Variants in CCDC102B observed in about 807,000 individuals in gnomAD.
CCDC102B encodes coiled-coil domain-containing protein 102B.
In CCDC102B, 75 loss-of-function variants were observed where a neutral mutation model predicts 57.4. The observed-to-expected ratio is 1.31, with a 90% confidence interval of 1.08 to 1.58. CCDC102B has a LOEUF of 1.58. Ranked by LOEUF, CCDC102B falls within the 40% of genes most tolerant of loss-of-function variation. CCDC102B has a pLI of 0.00. For synonymous variants in CCDC102B, 206 were observed against 201.9 expected (o/e 1.02, Z -0.17); for missense variants, 636 against 582.6 (o/e 1.09, Z -0.94).
intron 2 of CCDC102B, among the ~76,000 whole-genome samples, chr18:68,786,858 C>T (rs2035231689): frequency 2.0e-5 from 3 of 152,114 alleles, no homozygotes; most frequent in Admixed American, 2.0e-4. Context: ...GAACTTCCAA[C>T]ATTATGTTGA....
chr18:68,731,875 A>G (rs901590737), intron 2 of CCDC102B, among the ~76,000 whole-genome samples: 2 of 112,582 alleles, frequency 1.8e-5, no homozygotes, highest in Non-Finnish European at 4.0e-5. Context: ...TGTACGAATT[A>G]GTGCAAGCAA....
At chr18:68,888,200 G>A (rs889258335) in intron 5 of CCDC102B, among the ~76,000 whole-genome samples, 2 of 152,126 alleles carry the variant, frequency 1.3e-5, no homozygotes, top group East Asian at 1.9e-4. Flanking sequence ...GTAAGAAATG[G>A]TATGGAAAAA....
chr18:68,770,355 A>G (rs887054689), intron 2 of CCDC102B, among the ~76,000 whole-genome samples: 2 of 152,256 alleles, frequency 1.3e-5, no homozygotes, highest in Admixed American at 6.5e-5. Context: ...GTGGCATACA[A>G]AAATTAGCAT....
intron 4 of CCDC102B, among the ~76,000 whole-genome samples, chr18:68,851,532 T>C (rs1410168913): frequency 6.6e-6 from 1 of 152,190 alleles, no homozygotes; most frequent in Non-Finnish European, 1.5e-5. Flanking sequence ...TGGAATTAAT[T>C]AAACTACTAG....
chr18:68,880,196 C>A (rs572295213), intron 5 of CCDC102B, among the ~76,000 whole-genome samples: 166 of 152,322 alleles, frequency 1.1e-3, no homozygotes, highest in African/African-American at 3.9e-3. Context: ...TGGGCTGGCA[C>A]TGCTGGGGGA....
intron 2 of CCDC102B, among the ~76,000 whole-genome samples, chr18:68,760,433 T>A (rs952889625): frequency 6.6e-6 from 1 of 152,062 alleles, no homozygotes; most frequent in Non-Finnish European, 1.5e-5. Context: ...AAAGAGGACA[T>A]TGTATTACTT....
chr18:68,769,573 G>A (rs1210935322), intron 2 of CCDC102B, among the ~76,000 whole-genome samples: 1 of 152,006 alleles, frequency 6.6e-6, no homozygotes. Context: ...AAAGCCTTGG[G>A]CTCTGATTTC....
intron 6 of CCDC102B, among the ~76,000 whole-genome samples, chr18:68,964,877 T>C (rs1386814163): frequency 6.6e-6 from 1 of 151,952 alleles, no homozygotes; most frequent in Non-Finnish European, 1.5e-5. Context: ...GACATTTTTT[T>C]CCCTCAGTTC....
chr18:68,956,591 ATATATAT>A (rs1321545726), intron 6 of CCDC102B, among the ~76,000 whole-genome samples: 4 of 55,882 alleles, frequency 7.2e-5, no homozygotes, highest in East Asian at 5.6e-3. Flanking sequence ...TAAATATTAT[ATATATAT>A]TATATATATA....
At chr18:68,891,768 A>G (rs2040087497) in intron 5 of CCDC102B, among the ~76,000 whole-genome samples, 1 of 152,106 alleles carries the variant, frequency 6.6e-6, no homozygotes, top group Admixed American at 6.5e-5. Context: ...CTTTTCTTAT[A>G]AGGACATCAG....
intron 3 of CCDC102B, among the ~76,000 whole-genome samples, chr18:68,845,912 A>C (rs916623661): frequency 1.3e-5 from 2 of 151,746 alleles, no homozygotes; most frequent in African/African-American, 4.8e-5. Context: ...GGTCATTTCA[A>C]ATGATTTTTT....
At chr18:68,953,549 G>T (rs538732772) in intron 6 of CCDC102B, among the ~76,000 whole-genome samples, 209 of 150,068 alleles carry the variant, frequency 1.4e-3, no homozygotes, top group Middle Eastern at 3.4e-3. Context: ...TTTAGTAGCG[G>T]TTTTTTTTTC....
At chr18:68,867,077 T>C in intron 4 of CCDC102B, 1 of 197,410 alleles carries the variant, frequency 5.1e-6, no homozygotes, top group Admixed American at 6.0e-5. Flanking sequence ...TAAGGTCACC[T>C]ATCCTCCCAT....
chr18:68,892,229 T>C (rs770021041), intron 5 of CCDC102B, among the ~76,000 whole-genome samples: 5 of 152,140 alleles, frequency 3.3e-5, no homozygotes, highest in Admixed American at 6.5e-5. Flanking sequence ...TCTAGAGTGC[T>C]ACCCATGACC....
At chr18:68,878,824 C>CA (rs1323911257) in intron 5 of CCDC102B, among the ~76,000 whole-genome samples, 3 of 152,092 alleles carry the variant, frequency 2.0e-5, no homozygotes, top group East Asian at 1.9e-4. Context: ...ACAGAACTAT[C>CA]AAAAAAACTA....
At position 68,720,666 on chromosome 18, in the gene CCDC102B, G is replaced by A. The variant is rs374556532; in HGVS notation, c.-67+4072G>A. 9.2e-5 allele frequency among the ~76,000 whole-genome samples: 14 copies of A among 152,290 alleles called. 1 individual carries two copies. The East Asian group carries it at 1.5e-3, about 17-fold the overall frequency. On this transcript the variant is annotated intron_variant, in intron 2 of 3. Transcript: ENST00000578970. ...CTTATTTCAACACTGTTATTACATTGTATTCCTTTCCTGCATAGATTTGTA... is the reference window on the plus strand; with the variant it reads ...CTTATTTCAACACTGTTATTACATTATATTCCTTTCCTGCATAGATTTGTA...
At chr18:68,851,471 C>A (rs1271998838) in intron 4 of CCDC102B, among the ~76,000 whole-genome samples, 1 of 152,096 alleles carries the variant, frequency 6.6e-6, no homozygotes, top group Non-Finnish European at 1.5e-5. Context: ...ACCTTCAAGA[C>A]CTTTTAAACA....
At chr18:68,887,308 A>G (rs559380925) in intron 5 of CCDC102B, among the ~76,000 whole-genome samples, 51 of 152,322 alleles carry the variant, frequency 3.3e-4, no homozygotes, top group Admixed American at 8.5e-4. Flanking sequence ...GATATATGCC[A>G]GGTTCTAGAC....
intron 7 of CCDC102B, among the ~76,000 whole-genome samples, chr18:69,011,804 C>G (rs2051526028): frequency 6.6e-6 from 1 of 151,862 alleles, no homozygotes; most frequent in Admixed American, 6.6e-5. Flanking sequence ...ACTATTCAGG[C>G]AAAACCCATA....
Sources: gnomAD v4.1 joint callset for allele counts (sites outside exome capture counted in the v4.1 genomes callset) on GRCh38, gnomAD v4.1.1 for gene constraint, MANE v1.5 for transcripts, NCBI Gene and HGNC (gene_info 2026-07-23, HGNC 2026-07-21) for gene names.